The following CWF19L2 variants were observed in gnomAD, a reference collection of about 807,000 sequenced individuals.
CWF19L2 encodes CWF19-like protein 2.
In CWF19L2, 98 loss-of-function variants were observed where a neutral mutation model predicts 111.7. The observed-to-expected ratio is 0.88, with a 90% CI of 0.75 to 1.04. CWF19L2 has a LOEUF of 1.04. Among genes scored for constraint, CWF19L2 ranks in the 50% least tolerant of loss-of-function variants. The probability of loss-of-function intolerance (pLI) is 0.00; values close to 1 mark genes in which losing one functional copy is unlikely to be tolerated. For synonymous variants in CWF19L2, 351 were observed against 342.9 expected (o/e 1.02, Z -0.26); for missense variants, 1,101 against 1,051.4 (o/e 1.05, Z -0.65).
chr11:107,380,321 T>C (rs998718855), intron 12 of CWF19L2, among the ~76,000 whole-genome samples: 5 of 152,186 alleles, frequency 3.3e-5, no homozygotes, highest in Non-Finnish European at 5.9e-5. Flanking sequence ...TCCAAGCCCT[T>C]AAATCCATTG....
chr11:107,337,096 C>A (rs1423943392), intron 14 of CWF19L2, among the ~76,000 whole-genome samples: 1 of 152,144 alleles, frequency 6.6e-6, no homozygotes. Context: ...GATGGGCATC[C>A]TTAAACTCAG....
intron 16 of CWF19L2, among the ~76,000 whole-genome samples, chr11:107,331,516 C>T (rs757725970): frequency 1.4e-4 from 22 of 152,144 alleles, no homozygotes; most frequent in Non-Finnish European, 2.6e-4. Context: ...GGGCCATAAG[C>T]CATGAATGCA....
In CWF19L2 at chr11:107,334,973, C is replaced by A. The variant is rs766811701; in HGVS notation, c.2359-12G>T. 12 of 1,545,324 alleles carry A rather than the reference C, an allele frequency of 7.8e-6. No homozygotes were observed. In the African/African-American group the frequency reaches 1.4e-4, roughly 18 times the overall value. ...TCCATTATGGCTTTCTAAGAAATAT[C>A]CATTTGTTAAGTGAAAAAAGAACAT... On this transcript the variant is annotated splice_polypyrimidine_tract_variant and intron_variant, in intron 15 of 17. Coordinates refer to ENST00000282251, the MANE Select transcript of CWF19L2 (RefSeq NM_152434.3).
At chr11:107,444,067 C>T (rs1276792236) in intron 3 of CWF19L2, among the ~76,000 whole-genome samples, 2 of 151,682 alleles carry the variant, frequency 1.3e-5, no homozygotes, top group East Asian at 3.9e-4. Flanking sequence ...TCCCTAATGG[C>T]CTAGAAACAA....
At chr11:107,370,941 A>G (rs1326727351) in intron 12 of CWF19L2, among the ~76,000 whole-genome samples, 1 of 137,646 alleles carries the variant, frequency 7.3e-6, no homozygotes, top group African/African-American at 2.9e-5. Context: ...TACCTTTAAG[A>G]AAACTATTTA....
chr11:107,450,946 C>T (rs988593142), intron 3 of CWF19L2, among the ~76,000 whole-genome samples: 3 of 152,178 alleles, frequency 2.0e-5, no homozygotes, highest in African/African-American at 7.2e-5. Context: ...ACTGACTGAA[C>T]AGGTGAACAG....
chr11:107,419,711 TAG>T (rs1448825072), intron 8 of CWF19L2, among the ~76,000 whole-genome samples: 1 of 152,082 alleles, frequency 6.6e-6, no homozygotes, highest in African/African-American at 2.4e-5. Flanking sequence ...GCTGCAGAAG[TAG>T]AGTTTGGTGA....
intron 12 of CWF19L2, among the ~76,000 whole-genome samples, chr11:107,358,251 G>A (rs1421293089): frequency 6.6e-6 from 1 of 151,696 alleles, no homozygotes; most frequent in Non-Finnish European, 1.5e-5. Flanking sequence ...CCACAGGGGT[G>A]CCCAATCTTT....
chr11:107,362,626 G>A (rs1483750398), intron 12 of CWF19L2, among the ~76,000 whole-genome samples: 3 of 147,982 alleles, frequency 2.0e-5, no homozygotes, highest in African/African-American at 5.2e-5. Flanking sequence ...TCTGTTAGAA[G>A]GAAAACTAAC....
At chr11:107,397,878 A>C (rs1188986477) in intron 10 of CWF19L2, among the ~76,000 whole-genome samples, 1 of 152,186 alleles carries the variant, frequency 6.6e-6, no homozygotes, top group Non-Finnish European at 1.5e-5. Context: ...GCCCATAGCC[A>C]GGTAAACTTG....
At chr11:107,388,152 T>C (rs754032475) in intron 12 of CWF19L2, among the ~76,000 whole-genome samples, 3 of 152,218 alleles carry the variant, frequency 2.0e-5, no homozygotes, top group Non-Finnish European at 4.4e-5. Flanking sequence ...AACACTCTGT[T>C]GAAAATATCA....
chr11:107,453,291 A>G lies in CWF19L2; in HGVS notation c.339+1159T>C, dbSNP rs543829749. Reference sequence around the variant, plus strand: ...AATTCCTTGGTGACTCCTAGTGCTAAACTTGCCTCAGAGCCAATGGACAGG... The same window carrying G: ...AATTCCTTGGTGACTCCTAGTGCTAGACTTGCCTCAGAGCCAATGGACAGG... On this transcript the variant is annotated intron_variant, in intron 3 of 17. Coordinates refer to ENST00000282251, the MANE Select transcript of CWF19L2 (RefSeq NM_152434.3). 6.1e-4 allele frequency among the ~76,000 whole-genome samples: 93 copies of G among 152,228 alleles called. 1 individual carries two copies. The highest frequency in any genetic ancestry group is 2.2e-3 in the African/African-American group (91 of 41,550).
chr11:107,375,058 C>T (rs1189615888), intron 12 of CWF19L2, among the ~76,000 whole-genome samples: 1 of 142,212 alleles, frequency 7.0e-6, no homozygotes, highest in East Asian at 2.1e-4. Flanking sequence ...ATCAATTCAA[C>T]AAGAAGAGCT....
rs754433606 is a variant in CWF19L2 at position 107,329,974 on chromosome 11, C to T, written c.2485G>A (p.Gly829Arg). Residue 829 changes from glycine (G) to arginine (R), a missense_variant, in exon 17 of 18, where the codon GGA (glycine) becomes AGA (arginine). By Grantham distance (125) the Gly-to-Arg change is moderately radical. Transcript: ENST00000282251. ...TCTTCAATGACATGGGCAAACCCTCCGTGAAGGCCAAAATCCACAGAGAAG... is the reference window on the plus strand; with the variant it reads ...TCTTCAATGACATGGGCAAACCCTCTGTGAAGGCCAAAATCCACAGAGAAG... ...PYFSVDFGLHGGFAHVIEDQH... is the reference protein window; with the variant it reads ...PYFSVDFGLHRGFAHVIEDQH... 7.5e-6 allele frequency: 12 copies of T among 1,590,548 alleles called. No homozygotes were observed. The highest frequency in any genetic ancestry group is 6.8e-5 in the East Asian group (3 of 44,018).
At chr11:107,457,502 T>A (rs1385892377) in intron 1 of CWF19L2, among the ~76,000 whole-genome samples, 1 of 152,084 alleles carries the variant, frequency 6.6e-6, no homozygotes, top group African/African-American at 2.4e-5. Context: ...CAGATCTGCC[T>A]GAAAAGAGAA....
intron 13 of CWF19L2, among the ~76,000 whole-genome samples, chr11:107,353,085 C>A (rs567545753): frequency 8.5e-4 from 129 of 152,224 alleles, no homozygotes; most frequent in Non-Finnish European, 1.7e-3. Flanking sequence ...GAAAAAAATA[C>A]CCCCATCACT....
At chr11:107,432,956 TA>T (rs991914442) in intron 7 of CWF19L2, among the ~76,000 whole-genome samples, 17 of 152,050 alleles carry the variant, frequency 1.1e-4, no homozygotes, top group African/African-American at 3.9e-4. Context: ...ATAAATATAT[TA>T]AAAAAATTAA....
intron 12 of CWF19L2, among the ~76,000 whole-genome samples, chr11:107,371,012 C>CTTT (rs577136063): frequency 3.6e-4 from 36 of 100,026 alleles, no homozygotes; most frequent in Non-Finnish European, 5.0e-4. Context: ...TCTAGTTTCT[C>CTTT]TTTTTTTTTT....
At position 107,442,919 on chromosome 11, in the gene CWF19L2, A is replaced by C. The variant is rs1861652238; in HGVS notation, c.450+20T>G. 6.9e-7 allele frequency: 1 copy of C among 1,454,130 alleles called. No homozygotes were observed. Among genetic ancestry groups the C allele is most frequent in the Non-Finnish European group, 9.5e-7 (1 of 1,058,006 alleles). The allele number at this position is 1,454,130 out of a possible 1,614,324, so 90.1% of individuals were successfully genotyped here. A position where few individuals can be genotyped will look rare whatever the true frequency, so the allele number is the denominator to read the frequency against. ...AAGGAAGGAAGAAAGCAAGGAAGGA[A>C]AATCAAGTGGCTTGCTTACCTTGAT... On this transcript the variant is annotated intron_variant, in intron 4 of 17. Transcript: ENST00000282251.
Sources: gnomAD v4.1 joint callset for allele counts (sites outside exome capture counted in the v4.1 genomes callset) on GRCh38, gnomAD v4.1.1 for gene constraint, MANE v1.5 for transcripts, NCBI Gene and HGNC (gene_info 2026-07-23, HGNC 2026-07-21) for gene names.